Variants in PCDHA3 observed in about 807,000 individuals in gnomAD.
PCDHA3 encodes the protein protocadherin alpha-3.
Under a neutral mutation model 62.2 loss-of-function variants are expected in PCDHA3, and 41 were observed. The ratio of observed to expected loss-of-function variants is 0.66; its 90% CI spans 0.51 to 0.86. PCDHA3 has a LOEUF of 0.86. Among genes scored for constraint, PCDHA3 ranks in the 40% least tolerant of loss-of-function variants. The pLI is 0.00. For synonymous variants in PCDHA3, 640 were observed against 555.4 expected, an observed-to-expected ratio of 1.15 and a Z score of -2.14; for missense variants, 1,304 against 1,241.2, an observed-to-expected ratio of 1.05 and a Z score of -0.76.
At position 140,969,430 on chromosome 5, in the gene PCDHA3, A is replaced by T. The variant is rs1554231789; in HGVS notation, c.2395-9519A>T. 4 of 1,554,706 alleles carry T rather than the reference A, an allele frequency of 2.6e-6. No homozygotes were observed. The Admixed American group carries it at 7.8e-5, about 30-fold the overall frequency. ...CTTTATTGAGTCATTAACAGTGACA[A>T]GAGTTATCTGGTAAACTGAGTATAT... On this transcript the variant is annotated intron_variant, in intron 1 of 3. Transcript: ENST00000522353.
intron 1 of PCDHA3, chr5:140,804,945 T>C: frequency 2.4e-6 from 3 of 1,265,422 alleles, no homozygotes. Flanking sequence ...TGTTGCTCCC[T>C]TGTCCATGAA....
intron 2 of PCDHA3, among the ~76,000 whole-genome samples, chr5:140,979,316 G>A (rs782153299): frequency 2.0e-5 from 3 of 151,950 alleles, no homozygotes; most frequent in Non-Finnish European, 4.4e-5. Context: ...CTCTACCTAT[G>A]CTTTCTTTTC....
chr5:140,925,612 G>A (rs895763627), intron 1 of PCDHA3, among the ~76,000 whole-genome samples: 2 of 150,356 alleles, frequency 1.3e-5, no homozygotes, highest in Non-Finnish European at 3.0e-5. Flanking sequence ...AAACCTGCAC[G>A]TTGTGCACAT....
rs2150529227 is a variant in PCDHA3 at position 140,853,161 on chromosome 5, G to A, written c.2394+49570G>A. 6.4e-6 allele frequency: 6 copies of A among 935,678 alleles called. 1 individual carries two copies. Among genetic ancestry groups the A allele is most frequent in the Non-Finnish European group, 6.5e-6 (5 of 772,756 alleles). 58.0% of individuals were successfully genotyped at this position (935,678 alleles called of 1,614,324 possible). ...CCCAAAATGCTGGGATTACAGGCGT[G>A]AGCCACCGCGCCTGGCCTAAAATGT... is the stretch of plus-strand genomic sequence containing the variant. On this transcript the variant is annotated intron_variant, in intron 1 of 3. Coordinates refer to ENST00000522353, the MANE Select transcript of PCDHA3 (RefSeq NM_018906.3).
intron 1 of PCDHA3, 122 bp downstream of exon 1, chr5:140,803,713 CAGTTTTGT>C (rs782521607): frequency 4.0e-6 from 6 of 1,507,440 alleles, no homozygotes; most frequent in Non-Finnish European, 5.3e-6. Context: ...TAGACTTTTC[CAGTTTTGT>C]GGTTTTGTGG....
At chr5:141,006,993 T>A (rs1484865636) in intron 3 of PCDHA3, among the ~76,000 whole-genome samples, 5 of 152,290 alleles carry the variant, frequency 3.3e-5, no homozygotes, top group African/African-American at 4.8e-5. Flanking sequence ...GCTTAAAATA[T>A]AAGTCTGCAT....
At position 140,803,167 on chromosome 5, in the gene PCDHA3, C is replaced by A. The variant is rs1554122607; in HGVS notation, c.1970C>A (p.Pro657His). The change falls in exon 1 of 4, where the codon CCC (proline) becomes CAC (histidine). Residue 657 changes from proline to histidine, a missense_variant. By Grantham distance (77) the Pro-to-His change is moderately conservative. Transcript: ENST00000522353. ...GTGCTGGTGAAGGACCACGGTGAACCCTCATTGACCGCCACGGCCACTGTG... is the reference window on the plus strand; with the variant it reads ...GTGCTGGTGAAGGACCACGGTGAACACTCATTGACCGCCACGGCCACTGTG... ...LLVLVKDHGE[P>H]SLTATATVLV... is the part of the protein sequence containing the mutation. 2.5e-6 allele frequency: 4 copies of A among 1,613,894 alleles called. No individual in the cohort carries two copies. Among genetic ancestry groups the A allele is most frequent in the Non-Finnish European group, 3.4e-6 (4 of 1,179,940 alleles).
intron 1 of PCDHA3, chr5:140,967,981 G>A (rs1192553799): frequency 4.3e-6 from 7 of 1,614,084 alleles, no homozygotes; most frequent in African/African-American, 1.3e-5. Flanking sequence ...TGGGTCTGGA[G>A]GCCACACTGC....
chr5:140,803,433 G>C lies in PCDHA3; in HGVS notation c.2236G>C (p.Gly746Arg), dbSNP rs369373965. ...KPTLVCSSAV[G>R]SWSYSQQRQQ... The stretch of plus-strand genomic sequence containing the variant: ...CACGCTGGTGTGCTCCAGCGCGGTG[G>C]GGAGCTGGTCATACTCGCAGCAGAG... Residue 746 changes from glycine to arginine, a missense_variant, in exon 1 of 4, where the codon GGG becomes CGG. By Grantham distance (125) the Gly-to-Arg change is moderately radical (BLOSUM62 -2). Transcript: ENST00000522353. 6.2e-7 allele frequency: 1 copy of C among 1,614,216 alleles called. No homozygotes were observed. Among genetic ancestry groups the C allele is most frequent in the African/African-American group, 1.3e-5 (1 of 75,058 alleles).
intron 1 of PCDHA3, chr5:140,856,890 G>GTATT: frequency 6.3e-7 from 1 of 1,596,172 alleles, no homozygotes; most frequent in Non-Finnish European, 8.6e-7. Context: ...TATTCATTTA[G>GTATT]CTCTTTGGTC....
chr5:140,885,367 G>T (rs1476588272), intron 1 of PCDHA3, among the ~76,000 whole-genome samples: 2 of 152,244 alleles, frequency 1.3e-5, no homozygotes, highest in African/African-American at 4.8e-5. Flanking sequence ...GTGACTGAAA[G>T]TACCTTTTGG....
At chr5:140,836,909 C>G in intron 1 of PCDHA3, 1 of 579,744 alleles carries the variant, frequency 1.7e-6, no homozygotes, top group South Asian at 2.9e-5. Context: ...TTAATATACA[C>G]TTTTGTTTTG....
Position 140,919,359 on chromosome 5 carries a change from G to A in PCDHA3, c.2395-59590G>A, listed in dbSNP as rs188480486. Among the ~76,000 whole-genome samples, 421 of 152,262 alleles carry A rather than the reference G, an allele frequency of 2.8e-3. 2 individuals carry two copies. The highest frequency in any genetic ancestry group is 0.014 in the Middle Eastern group (4 of 294). ...TGTTTGTATCTTTGAATCTAAAAGTGTCTCCTGCAGACAACACATAGTTGG... is the reference window on the plus strand; with the variant it reads ...TGTTTGTATCTTTGAATCTAAAAGTATCTCCTGCAGACAACACATAGTTGG... On this transcript the variant is annotated intron_variant, in intron 1 of 3. Coordinates refer to ENST00000522353, the MANE Select transcript of PCDHA3 (RefSeq NM_018906.3).
chr5:140,805,920 A>T (rs1220088011), intron 1 of PCDHA3, among the ~76,000 whole-genome samples: 1 of 152,216 alleles, frequency 6.6e-6, no homozygotes, highest in African/African-American at 2.4e-5. Context: ...ATATTTAGGA[A>T]ATATTAGGTA....
chr5:140,966,982 G>C, intron 1 of PCDHA3: 1 of 1,603,506 alleles, frequency 6.2e-7, no homozygotes, highest in Non-Finnish European at 8.5e-7. Flanking sequence ...TGCGGCGCTT[G>C]GGGCCGGGTT....
chr5:140,965,435 T>C (rs1327952223), intron 1 of PCDHA3, among the ~76,000 whole-genome samples: 1 of 151,992 alleles, frequency 6.6e-6, no homozygotes, highest in Non-Finnish European at 1.5e-5. Context: ...CTGCAGTCAT[T>C]GAAATTGCTG....
chr5:140,806,806 TA>T, intron 1 of PCDHA3: 1 of 215,384 alleles, frequency 4.6e-6, no homozygotes, highest in Non-Finnish European at 9.3e-6. Flanking sequence ...TCTACTGAAG[TA>T]AAAGTTGCCC....
intron 1 of PCDHA3, chr5:140,882,874 A>G (rs376046205): frequency 1.9e-6 from 3 of 1,614,108 alleles, no homozygotes; most frequent in Non-Finnish European, 2.5e-6. Context: ...CACTGGACAG[A>G]GAGGAAATTC....
chr5:140,870,202 G>T, intron 1 of PCDHA3: 1 of 1,614,162 alleles, frequency 6.2e-7, no homozygotes, highest in Non-Finnish European at 8.5e-7. Flanking sequence ...GCCCAGCACG[G>T]TCATTGCCCT....
Sources: allele counts gnomAD v4.1 joint callset (sites outside exome capture counted in the v4.1 genomes callset), GRCh38; gene constraint gnomAD v4.1.1; transcripts MANE v1.5; gene names NCBI Gene and HGNC (gene_info 2026-07-23, HGNC 2026-07-21).